RNF14: variants seen among roughly 807,000 people sequenced by gnomAD.
RNF14 encodes the protein E3 ubiquitin-protein ligase RNF14.
RNF14 carries 26 observed loss-of-function variants against 52.6 expected under a neutral mutation model. The ratio of observed to expected loss-of-function variants is 0.49; its 90% CI spans 0.36 to 0.69. The LOEUF is 0.69. RNF14 is among the 30% of genes least tolerant of loss of function. The pLI, the probability that RNF14 is intolerant of heterozygous loss-of-function variation, is 0.00. For missense variants in RNF14, 404 were observed against 560.4 expected, an observed-to-expected ratio of 0.72 and a Z score of 2.82; for synonymous variants, 194 against 202.0, an observed-to-expected ratio of 0.96 and a Z score of 0.34.
rs894881165 is a variant in RNF14, at chr5:141,989,896, A to G, written c.*2106A>G. The G allele has an allele frequency of 1.3e-5, 2 of 152,150 alleles. No homozygotes were observed. The highest frequency in any genetic ancestry group is 2.9e-5 in the Non-Finnish European group (2 of 68,038). 9.4% of individuals were successfully genotyped at this position (152,150 alleles called of 1,614,324 possible). On this transcript the variant is annotated 3_prime_UTR_variant, in exon 9 of 9. Coordinates refer to ENST00000394520, the MANE Select transcript of RNF14 (RefSeq NM_004290.5). ...ATTTTCTAGAGATCATTTTATGTTA[A>G]GCTGTTATACATTGTTGATGATGTC...
rs201336979 is a variant in RNF14 at position 141,984,941 on chromosome 5, T to C, written c.1367+8T>C. 3.1e-6 allele frequency: 5 copies of C among 1,609,996 alleles called. No individual in the cohort carries two copies. The East Asian group carries it at 1.1e-4, about 36-fold the overall frequency. On this transcript the variant is annotated splice_region_variant and intron_variant, in intron 8 of 8. Coordinates refer to ENST00000394520, the MANE Select transcript of RNF14 (RefSeq NM_004290.5). ...TTCACCATGTTTTAACCGGTATGTA[T>C]ACACAGAATTCCTCAGGCTCACCAG... is the stretch of plus-strand genomic sequence containing the variant.
At position 141,970,881 on chromosome 5, in the gene RNF14, C is replaced by T. The variant is rs373990207; in HGVS notation, c.-7+4C>T. On this transcript the variant is annotated splice_donor_region_variant and intron_variant, in intron 2 of 8. Coordinates refer to ENST00000394520, the MANE Select transcript of RNF14 (RefSeq NM_004290.5). Reference sequence around the variant, plus strand: ...TTCTTCTGATTGTTATTAACAGGTACTAACTGACCTCAAGTAGAACATGTA... The same window carrying T: ...TTCTTCTGATTGTTATTAACAGGTATTAACTGACCTCAAGTAGAACATGTA... 7 of 152,422 alleles carry T rather than the reference C, an allele frequency of 4.6e-5. No individual in the cohort carries two copies. In the South Asian group the frequency reaches 1.0e-3, roughly 23 times the overall value. 9.4% of individuals were successfully genotyped at this position (152,422 alleles called of 1,614,324 possible).
At position 141,971,819 on chromosome 5, in the gene RNF14, T is replaced by TTTATTTTTAGTAGAGA. The variant is rs548661485; in HGVS notation, c.-7+944_-7+959dup. On this transcript the variant is annotated intron_variant, in intron 2 of 8. Transcript: ENST00000394520. ...TGTACCACAATGCCCGGCTAATTTT[T>TTTATTTTTAGTAGAGA]TTATTTTTAGTAGAGATGGGGTTTT... Among the ~76,000 whole-genome samples the TTTATTTTTAGTAGAGA allele has an allele frequency of 3.0e-3, 449 of 151,714 alleles. 3 individuals carry two copies. Among genetic ancestry groups the TTTATTTTTAGTAGAGA allele is most frequent in the African/African-American group, 0.01 (433 of 41,280 alleles).
chr5:141,982,130 A>G (rs1213687289), intron 6 of RNF14, among the ~76,000 whole-genome samples: 3 of 152,220 alleles, frequency 2.0e-5, no homozygotes, highest in Admixed American at 6.5e-5. Context: ...CACAGCATTC[A>G]GGGAAGAAAT....
At chr5:141,970,971 T>C (rs963812757) in intron 2 of RNF14, 94 bp downstream of exon 2, 9 of 152,356 alleles carry the variant, frequency 5.9e-5, no homozygotes, top group Non-Finnish European at 1.3e-4. Context: ...AGAAAAAAAG[T>C]GTTTTTTGAA....
intron 2 of RNF14, among the ~76,000 whole-genome samples, chr5:141,973,168 G>T (rs911725073): frequency 9.9e-5 from 15 of 151,888 alleles, no homozygotes; most frequent in Non-Finnish European, 2.1e-4. Context: ...GGAGAAAAGT[G>T]ATAATATCGA....
upstream of RNF14, chr5:141,955,282 T>C: frequency 6.2e-7 from 1 of 1,614,148 alleles, no homozygotes; most frequent in Non-Finnish European, 8.5e-7. This position sits in a 1 kb window ranked among gnomAD's most constrained non-coding sequence, Gnocchi z 5.5. Flanking sequence ...CCGGGAGGCA[T>C]TCCTCTGCCT....
chr5:141,978,412 A>G lies in RNF14; in HGVS notation c.416A>G (p.Asn139Ser), dbSNP rs1350646525. The G allele has an allele frequency of 1.2e-6, 2 of 1,614,190 alleles. No homozygotes were observed. Among genetic ancestry groups the G allele is most frequent in the Non-Finnish European group, 1.7e-6 (2 of 1,180,028 alleles). The change falls in exon 5 of 9, where the codon AAT becomes AGT. Residue 139 changes from asparagine to serine, a missense_variant. Transcript: ENST00000394520. ...AAGGAAGAGACCCTAGCATACTTGA[A>G]TATTGTCTCTCCTTTTGAGCTCAAG... ...FLKEETLAYL[N>S]IVSPFELKIG...
upstream of RNF14, chr5:141,955,917 G>T (rs1362621171): frequency 3.1e-6 from 5 of 1,614,094 alleles, no homozygotes; most frequent in Non-Finnish European, 4.2e-6. The surrounding 1 kb of genome is among the most constrained non-coding windows in gnomAD (Gnocchi z 5.5). Context: ...GGATGAAGAG[G>T]TGGGCTTCAT....
chr5:141,966,158 G>A (rs1461867433), upstream of RNF14, among the ~76,000 whole-genome samples: 1 of 152,010 alleles, frequency 6.6e-6, no homozygotes, highest in Non-Finnish European at 1.5e-5. Flanking sequence ...GTGTGCACCT[G>A]GAATCCCAGC....
chr5:141,962,435 A>C (rs1753281969), upstream of RNF14, among the ~76,000 whole-genome samples: 1 of 152,222 alleles, frequency 6.6e-6, no homozygotes, highest in African/African-American at 2.4e-5. Flanking sequence ...AATACTGCCA[A>C]AGAATAGTCT....
upstream of RNF14, chr5:141,958,142 C>A: frequency 4.9e-6 from 2 of 409,042 alleles, no homozygotes; most frequent in South Asian, 7.6e-5. Context: ...AAGAGCTGGT[C>A]TAAGAGGGAC....
rs768143442 is a variant in RNF14 at position 141,973,741 on chromosome 5, C to T, written c.153C>T (p.Ser51=). ...CACAGAATTTCAAGATATTTGTGAG[C>T]GGTTAGTTAATAATTTCTTAAACAG... The part of the protein sequence containing the change: ...DLPQNFKIFV[S]GNSNECLQNS... The change falls in exon 3 of 9, where the codon AGC becomes AGT. Residue 51 remains serine (S), a splice_region_variant and synonymous_variant. Coordinates refer to ENST00000394520, the MANE Select transcript of RNF14 (RefSeq NM_004290.5). 9.4e-6 allele frequency: 15 copies of T among 1,594,136 alleles called. No individual in the cohort carries two copies. The highest frequency in any genetic ancestry group is 2.3e-5 in the East Asian group (1 of 44,444).
chr5:141,949,579 C>T, the RNF14 span: 1 of 1,613,130 alleles, frequency 6.2e-7, no homozygotes, highest in East Asian at 2.2e-5. Flanking sequence ...TCTGGGATTG[C>T]ACTCCTGCAA....
At chr5:141,960,101 G>A (rs181998937) in intron 1 of RNF14, among the ~76,000 whole-genome samples, 50 of 152,240 alleles carry the variant, frequency 3.3e-4, no homozygotes, top group Middle Eastern at 3.4e-3. Flanking sequence ...AGCTTGGTGT[G>A]GGCAAGGTGC....
chr5:141,952,558 A>T, the RNF14 span: 5 of 152,234 alleles, frequency 3.3e-5, no homozygotes, highest in Non-Finnish European at 5.9e-5. Flanking sequence ...AGAATGGAGT[A>T]GGGGATGGGT....
chr5:141,981,541 T>C (rs1330152891), intron 6 of RNF14: 1 of 152,088 alleles, frequency 6.6e-6, no homozygotes, highest in East Asian at 1.9e-4. Context: ...CCATAAATAG[T>C]TTGAGAAACA....
In RNF14 at chr5:141,988,165, A is replaced by G. The variant is rs1022281131; in HGVS notation, c.*375A>G. 3 of 191,744 alleles carry G rather than the reference A, an allele frequency of 1.6e-5. No individual in the cohort carries two copies. The highest frequency in any genetic ancestry group is 3.3e-5 in the Non-Finnish European group (3 of 91,748). 11.9% of individuals were successfully genotyped at this position (191,744 alleles called of 1,614,324 possible). A position where few individuals can be genotyped will look rare whatever the true frequency, so the allele number is the denominator to read the frequency against. ...CTTTGTCTCTGAGAAGCATCCTTCT[A>G]AGACATTCTGTTGGAGTTCCCTCAG... On this transcript the variant is annotated 3_prime_UTR_variant, in exon 9 of 9. Coordinates refer to ENST00000394520, the MANE Select transcript of RNF14 (RefSeq NM_004290.5).
At chr5:141,984,117 T>TG (rs1755024866) in intron 7 of RNF14, among the ~76,000 whole-genome samples, 1 of 151,746 alleles carries the variant, frequency 6.6e-6, no homozygotes, top group Non-Finnish European at 1.5e-5. Flanking sequence ...TTTTTTTTTT[T>TG]TTGATACTGA....
Sources: gnomAD v4.1 joint callset for allele counts (sites outside exome capture counted in the v4.1 genomes callset) on GRCh38, gnomAD v4.1.1 for gene constraint, Gnocchi (gnomAD v3.1) non-coding constraint, MANE v1.5 for transcripts, NCBI Gene and HGNC (gene_info 2026-07-23, HGNC 2026-07-21) for gene names.